The following EGFLAM variants were observed in gnomAD, a reference collection of about 807,000 sequenced individuals.
EGFLAM encodes EGF like, fibronectin type III and laminin G domains.
EGFLAM carries 79 observed loss-of-function variants against 113.1 expected under a neutral mutation model. That is an observed-to-expected ratio of 0.70 (90% CI 0.58 to 0.84). The LOEUF (loss-of-function observed/expected upper bound fraction) is 0.84, where lower values mean the gene tolerates loss of function less well. Among genes scored for constraint, EGFLAM ranks in the 40% least tolerant of loss-of-function variants. The pLI, the probability that EGFLAM is intolerant of heterozygous loss-of-function variation, is 0.00. For missense variants in EGFLAM, 1,265 were observed against 1,291.6 expected (o/e 0.98, Z 0.32); for synonymous variants, 504 against 487.6 (o/e 1.03, Z -0.44).
chr5:38,438,477 A>G, intron 17 of EGFLAM, 22 bp downstream of exon 17: 1 of 1,573,400 alleles, frequency 6.4e-7, no homozygotes, highest in South Asian at 1.2e-5. Flanking sequence ...GGTCTGAGGC[A>G]CAGCTCCCTG....
At chr5:38,282,338 T>C (rs1043080322) in intron 1 of EGFLAM, 2 of 152,202 alleles carry the variant, frequency 1.3e-5, no homozygotes, top group African/African-American at 4.8e-5. Flanking sequence ...AAGGAGTCAA[T>C]GAAGGTTTCT....
At chr5:38,271,196 G>C (rs1156401147) in intron 1 of EGFLAM, among the ~76,000 whole-genome samples, 3 of 152,132 alleles carry the variant, frequency 2.0e-5, no homozygotes, top group Non-Finnish European at 4.4e-5. Flanking sequence ...AGATTTTTCA[G>C]GCATCAGCTG....
At chr5:38,258,943 C>G in intron 1 of EGFLAM, 92 bp downstream of exon 1, 25 of 1,337,088 alleles carry the variant, frequency 1.9e-5, no homozygotes, top group Non-Finnish European at 2.5e-5. Context: ...CACCGCCTCC[C>G]TCTCCCCGAC....
chr5:38,432,767 T>C (rs1742226997), intron 15 of EGFLAM, among the ~76,000 whole-genome samples: 1 of 152,218 alleles, frequency 6.6e-6, no homozygotes, highest in African/African-American at 2.4e-5. Context: ...AGGTCCATGA[T>C]TATAAATAAG....
chr5:38,366,009 G>A (rs937040453), intron 5 of EGFLAM, among the ~76,000 whole-genome samples: 4 of 152,088 alleles, frequency 2.6e-5, no homozygotes, highest in Non-Finnish European at 4.4e-5. Context: ...CCTGCCATTG[G>A]CTTCTCTGTA....
intron 1 of EGFLAM, among the ~76,000 whole-genome samples, chr5:38,289,711 G>A (rs970930417): frequency 2.6e-5 from 4 of 152,160 alleles, no homozygotes; most frequent in Admixed American, 6.5e-5. Flanking sequence ...AATGGATATC[G>A]GATATCCTAC....
intron 1 of EGFLAM, chr5:38,283,962 G>A (rs1758088563): frequency 6.6e-6 from 1 of 152,404 alleles, no homozygotes; most frequent in African/African-American, 2.4e-5. Flanking sequence ...CAGGGTCTGT[G>A]GGAGGCACCA....
intron 10 of EGFLAM, among the ~76,000 whole-genome samples, chr5:38,410,320 T>C (rs542319812): frequency 6.6e-6 from 1 of 152,298 alleles, no homozygotes; most frequent in East Asian, 1.9e-4. Flanking sequence ...GTTTTCACCT[T>C]GTAGGGTCCT....
intron 6 of EGFLAM, among the ~76,000 whole-genome samples, chr5:38,372,308 A>G (rs1740246049): frequency 6.6e-6 from 1 of 151,794 alleles, no homozygotes; most frequent in African/African-American, 2.4e-5. Context: ...ATGCCTGGCT[A>G]ATTTTTGTAT....
chr5:38,385,360 T>C (rs1174416220), intron 6 of EGFLAM, among the ~76,000 whole-genome samples: 1 of 141,782 alleles, frequency 7.1e-6, no homozygotes, highest in Non-Finnish European at 1.5e-5. Flanking sequence ...TAGAGTAGTA[T>C]TTTCATATAA....
At chr5:38,349,040 A>G (rs531678551) in intron 3 of EGFLAM, among the ~76,000 whole-genome samples, 1 of 152,332 alleles carries the variant, frequency 6.6e-6, no homozygotes, top group African/African-American at 2.4e-5. Context: ...TTTGAGAACT[A>G]CTGTATTAAG....
At chr5:38,315,713 C>T (rs927612289) in intron 1 of EGFLAM, among the ~76,000 whole-genome samples, 6 of 152,162 alleles carry the variant, frequency 3.9e-5, no homozygotes, top group Admixed American at 2.0e-4. Context: ...TAATCTCTCT[C>T]TCGGCTTCAG....
In EGFLAM at chr5:38,448,316, T is replaced by C; in HGVS notation, c.2480T>C (p.Ile827Thr). The C allele has an allele frequency of 6.2e-7, 1 of 1,614,156 alleles. No homozygotes were observed. The highest frequency in any genetic ancestry group is 1.1e-5 in the South Asian group (1 of 91,080). Residue 827 changes from isoleucine (I) to threonine (T), a missense_variant, in exon 18 of 22, where the codon ATT becomes ACT. Coordinates refer to ENST00000322350, the MANE Select transcript of EGFLAM (RefSeq NM_152403.4). ...TCTGTCCCAGCGATCATAGAAGCCATTGAGATCCCGCAGTTTATCGGCCGC... is the reference window on the plus strand; with the variant it reads ...TCTGTCCCAGCGATCATAGAAGCCACTGAGATCCCGCAGTTTATCGGCCGC... ...LHCQKAIIEA[I>T]EIPQFIGRSY...
chr5:38,444,902 G>A (rs759782095), intron 17 of EGFLAM, among the ~76,000 whole-genome samples: 9 of 152,232 alleles, frequency 5.9e-5, no homozygotes, highest in African/African-American at 1.9e-4. Context: ...CCGAGATCGC[G>A]CCACTGCACT....
intron 3 of EGFLAM, among the ~76,000 whole-genome samples, chr5:38,349,198 A>G (rs1009724060): frequency 1.3e-5 from 2 of 152,214 alleles, no homozygotes; most frequent in Non-Finnish European, 2.9e-5. Context: ...TTATAATCCC[A>G]TAAGAGAAAT....
chr5:38,259,845 G>T (rs1757454459), intron 1 of EGFLAM, among the ~76,000 whole-genome samples: 1 of 152,188 alleles, frequency 6.6e-6, no homozygotes, highest in African/African-American at 2.4e-5. Flanking sequence ...GTAAGAAAGA[G>T]GCAAAGCTAG....
intron 5 of EGFLAM, among the ~76,000 whole-genome samples, chr5:38,358,212 G>A (rs1012749648): frequency 4.6e-5 from 7 of 151,868 alleles, no homozygotes; most frequent in Middle Eastern, 3.4e-3. Context: ...TTGGGAGGCC[G>A]AGGTGGGTGG....
intron 11 of EGFLAM, among the ~76,000 whole-genome samples, chr5:38,414,995 C>G (rs1410340972): frequency 6.6e-6 from 1 of 152,070 alleles, no homozygotes; most frequent in Non-Finnish European, 1.5e-5. Context: ...AATCCAACAG[C>G]CAGTGAAAGC....
chr5:38,303,728 A>G (rs1758652839), intron 1 of EGFLAM, among the ~76,000 whole-genome samples: 1 of 152,260 alleles, frequency 6.6e-6, no homozygotes, highest in South Asian at 2.1e-4. Flanking sequence ...GCCCCTACTC[A>G]AAGCTCCACT....
Sources: allele counts gnomAD v4.1 joint callset (sites outside exome capture counted in the v4.1 genomes callset), GRCh38; gene constraint gnomAD v4.1.1; transcripts MANE v1.5; gene names NCBI Gene and HGNC (gene_info 2026-07-23, HGNC 2026-07-21).